Variants in NDUFAF7 observed in about 807,000 individuals in gnomAD.
NDUFAF7 encodes protein arginine methyltransferase NDUFAF7, mitochondrial.
NDUFAF7 carries 48 observed loss-of-function variants against 47.2 expected under a neutral mutation model. The observed-to-expected ratio is 1.02, with a 90% CI of 0.81 to 1.29. The LOEUF is 1.29. Among genes scored for constraint, NDUFAF7 ranks in the 50% most tolerant of loss-of-function variants. The pLI is 0.00. For missense variants in NDUFAF7, 635 were observed against 537.6 expected (o/e 1.18, Z -1.79); for synonymous variants, 217 against 190.0 (o/e 1.14, Z -1.17).
At chr2:37,261,673 G>C in the NDUFAF7 span, among the ~76,000 whole-genome samples, 1 of 152,120 alleles carries the variant, frequency 6.6e-6, no homozygotes, top group Non-Finnish European at 1.5e-5. Flanking sequence ...CCAGCTACTC[G>C]GGAGGCTGAG....
Position 37,236,283 on chromosome 2 carries a change from A to G in NDUFAF7, c.297+107A>G, listed in dbSNP as rs966580734. On this transcript the variant is annotated intron_variant, in intron 3 of 9. Coordinates refer to ENST00000002125, the MANE Select transcript of NDUFAF7 (RefSeq NM_144736.5). ...CTACAGCTTTTTTTGTGATTCATCA[A>G]AAGTTTTAACTTTATAGTAGTTTAT... 85 of 1,019,364 alleles carry G rather than the reference A, an allele frequency of 8.3e-5. No individual in the cohort carries two copies. In the East Asian group the frequency reaches 1.4e-3, roughly 17 times the overall value. 63.1% of individuals were successfully genotyped at this position (1,019,364 alleles called of 1,614,324 possible).
chr2:37,248,316 T>C lies in NDUFAF7; in HGVS notation c.1292T>C (p.Val431Ala), dbSNP rs781431561. The C allele has an allele frequency of 1.7e-5, 28 of 1,614,008 alleles. No homozygotes were observed. Among genetic ancestry groups the C allele is most frequent in the Non-Finnish European group, 2.2e-5 (26 of 1,179,984 alleles). Residue 431 changes from valine to alanine, a missense_variant, in exon 10 of 10, where the codon GTT (valine) becomes GCT (alanine). Coordinates refer to ENST00000002125, the MANE Select transcript of NDUFAF7 (RefSeq NM_144736.5). Reference sequence around the variant, plus strand: ...CGTCAGTCAAAACCCTTTGCATCCGTTGTAGCTGGGTTTAGTGAACTTGCT... The same window carrying C: ...CGTCAGTCAAAACCCTTTGCATCCGCTGTAGCTGGGTTTAGTGAACTTGCT... Reference protein sequence around the residue: ...NARQSKPFASVVAGFSELAWQ With the variant: ...NARQSKPFASAVAGFSELAWQ
the NDUFAF7 span, among the ~76,000 whole-genome samples, chr2:37,266,735 G>A: frequency 3.3e-5 from 5 of 152,026 alleles, no homozygotes; most frequent in South Asian, 2.1e-4. Context: ...TGATCCACCC[G>A]CCTTGGCCTC....
At chr2:37,233,652 G>A (rs1412607291) in intron 2 of NDUFAF7, among the ~76,000 whole-genome samples, 2 of 151,200 alleles carry the variant, frequency 1.3e-5, no homozygotes, top group East Asian at 1.9e-4. Context: ...TGAGCCTGGT[G>A]TTCAGAAGAA....
At chr2:37,256,005 G>A (rs139588335), downstream of NDUFAF7, among the ~76,000 whole-genome samples, 9 of 152,176 alleles carry the variant, frequency 5.9e-5, no homozygotes, top group Admixed American at 2.0e-4. Flanking sequence ...GGGAGACCCC[G>A]TCTCAATAAA....
At chr2:37,236,600 C>T (rs759675443) in intron 3 of NDUFAF7, among the ~76,000 whole-genome samples, 4 of 151,746 alleles carry the variant, frequency 2.6e-5, no homozygotes, top group Non-Finnish European at 5.9e-5. Flanking sequence ...CACGGTGAAA[C>T]GCAGTCTCTA....
intron 9 of NDUFAF7, among the ~76,000 whole-genome samples, chr2:37,247,887 C>T (rs551373361): frequency 6.6e-6 from 1 of 152,162 alleles, no homozygotes; most frequent in African/African-American, 2.4e-5. Flanking sequence ...TCTAACTGTT[C>T]TTCTGAGAAC....
At chr2:37,262,498 T>C in the NDUFAF7 span, among the ~76,000 whole-genome samples, 1 of 152,214 alleles carries the variant, frequency 6.6e-6, no homozygotes, top group African/African-American at 2.4e-5. Context: ...GAGATCGTTT[T>C]CCAAGCAGCA....
chr2:37,247,299 A>AAC (rs1481647276), intron 8 of NDUFAF7, 157 bp from the exon 9 acceptor site: 1 of 839,044 alleles, frequency 1.2e-6, no homozygotes, highest in African/African-American at 1.7e-5. Context: ...TATACTTTGT[A>AAC]AAACACTGCC....
At chr2:37,244,907 G>GTTAC (rs908306744) in intron 7 of NDUFAF7, among the ~76,000 whole-genome samples, 1 of 152,048 alleles carries the variant, frequency 6.6e-6, no homozygotes, top group African/African-American at 2.4e-5. Flanking sequence ...GACCTAATTA[G>GTTAC]TATTCACTTA....
At position 37,241,575 on chromosome 2, in the gene NDUFAF7, T is replaced by A; in HGVS notation, c.409-3T>A. The A allele has an allele frequency of 6.2e-7, 1 of 1,611,652 alleles. No homozygotes were observed. The highest frequency in any genetic ancestry group is 8.5e-7 in the Non-Finnish European group (1 of 1,178,368). ...TATTTTTTTTTCTTCTTTTGGTATTTAGGTGTTCACTCAACTTGGATCTGT... is the reference window on the plus strand; with the variant it reads ...TATTTTTTTTTCTTCTTTTGGTATTAAGGTGTTCACTCAACTTGGATCTGT... On this transcript the variant is annotated splice_polypyrimidine_tract_variant and splice_region_variant and intron_variant, in intron 4 of 9. Coordinates refer to ENST00000002125, the MANE Select transcript of NDUFAF7 (RefSeq NM_144736.5).
intron 2 of NDUFAF7, among the ~76,000 whole-genome samples, chr2:37,233,799 G>A (rs1465127140): frequency 6.6e-6 from 1 of 152,120 alleles, no homozygotes; most frequent in African/African-American, 2.4e-5. Flanking sequence ...AAATGTAGAG[G>A]CTCTTAACCT....
chr2:37,260,432 T>A, the NDUFAF7 span: 1 of 1,509,666 alleles, frequency 6.6e-7, no homozygotes, highest in Non-Finnish European at 9.2e-7. Flanking sequence ...AGAGAAACAG[T>A]TTTACTAATA....
chr2:37,245,588 C>G (rs925467207), intron 7 of NDUFAF7, among the ~76,000 whole-genome samples: 2 of 152,140 alleles, frequency 1.3e-5, no homozygotes, highest in Non-Finnish European at 2.9e-5. Context: ...ATATAATTGT[C>G]TAATAGGGTC....
At chr2:37,246,672 T>C (rs781281760) in intron 8 of NDUFAF7, among the ~76,000 whole-genome samples, 1 of 152,192 alleles carries the variant, frequency 6.6e-6, no homozygotes, top group East Asian at 1.9e-4. Flanking sequence ...TCTTTGAATA[T>C]AATCAATTCT....
intron 2 of NDUFAF7, among the ~76,000 whole-genome samples, chr2:37,234,482 G>T (rs1042567015): frequency 6.6e-6 from 1 of 152,112 alleles, no homozygotes; most frequent in African/African-American, 2.4e-5. Flanking sequence ...TTTCTTTGTG[G>T]TTCTGTGCAT....
chr2:37,262,888 G>T, the NDUFAF7 span, among the ~76,000 whole-genome samples: 1 of 147,672 alleles, frequency 6.8e-6, no homozygotes, highest in Non-Finnish European at 1.5e-5. Context: ...AGTATCCTAA[G>T]ATTCCTTCCC....
intron 6 of NDUFAF7, 36 bp from the exon 7 acceptor site, chr2:37,243,827 G>T: frequency 6.5e-7 from 1 of 1,547,060 alleles, no homozygotes; most frequent in Admixed American, 1.7e-5. Context: ...GAACAAACTT[G>T]CAAAAATTTG....
chr2:37,269,250 A>G, the NDUFAF7 span: 1 of 219,402 alleles, frequency 4.6e-6, no homozygotes, highest in Non-Finnish European at 9.4e-6. Context: ...CAGTAGACAA[A>G]TGGTGCCATT....
Sources: allele counts gnomAD v4.1 joint callset (sites outside exome capture counted in the v4.1 genomes callset), GRCh38; gene constraint gnomAD v4.1.1; transcripts MANE v1.5; gene names NCBI Gene and HGNC (gene_info 2026-07-23, HGNC 2026-07-21).